LRBA: variants seen among roughly 807,000 people sequenced by gnomAD.
LRBA encodes lipopolysaccharide-responsive and beige-like anchor protein.
Under a neutral mutation model 330.0 loss-of-function variants are expected in LRBA, and 176 were observed. The observed-to-expected ratio is 0.53, with a 90% CI of 0.47 to 0.60. The LOEUF is 0.60. Ranked by LOEUF, LRBA falls within the 20% of genes least tolerant of loss-of-function variation. The probability of loss-of-function intolerance (pLI) is 0.00; values close to 1 mark genes in which losing one functional copy is unlikely to be tolerated. For synonymous variants in LRBA, 1,230 were observed against 1,193.0 expected (o/e 1.03, Z -0.64); for missense variants, 3,259 against 3,444.8 (o/e 0.95, Z 1.35).
At chr4:150,377,837 A>T (rs1287865784) in intron 47 of LRBA, among the ~76,000 whole-genome samples, 2 of 151,966 alleles carry the variant, frequency 1.3e-5, no homozygotes, top group African/African-American at 4.8e-5. Flanking sequence ...AATACAAAAA[A>T]TTAGCCAGGC....
intron 40 of LRBA, among the ~76,000 whole-genome samples, chr4:150,538,928 C>A (rs1043734879): frequency 1.3e-5 from 2 of 152,000 alleles, no homozygotes; most frequent in Admixed American, 1.3e-4. Context: ...TGTAACAAAC[C>A]TGCACATGTA....
At chr4:150,458,435 A>G (rs1173300854) in intron 44 of LRBA, among the ~76,000 whole-genome samples, 1 of 151,896 alleles carries the variant, frequency 6.6e-6, no homozygotes, top group African/African-American at 2.4e-5. Flanking sequence ...AGGTCAGTGT[A>G]CCCATGAAAA....
At position 150,276,537 on chromosome 4, in the gene LRBA, A is replaced by G. The variant is rs945774546; in HGVS notation, c.8468+1316T>C. Among the ~76,000 whole-genome samples the G allele has an allele frequency of 2.6e-5, 4 of 152,352 alleles. No individual in the cohort carries two copies. The East Asian group carries it at 5.8e-4, about 22-fold the overall frequency. On this transcript the variant is annotated intron_variant, in intron 56 of 56. Transcript: ENST00000651943. ...TTTTTGCAATCTATCCAACTGACAA[A>G]GGGCTAATATCCAGAATCTACAAAG...
At position 150,373,170 on chromosome 4, in the gene LRBA, TGTGA is replaced by T. The variant is rs1196494847; in HGVS notation, c.7195-23015_7195-23012del. 6.9e-3 allele frequency among the ~76,000 whole-genome samples: 771 copies of T among 111,358 alleles called. 5 individuals are homozygous for T. The highest frequency in any genetic ancestry group is 0.022 in the African/African-American group (626 of 28,606). 73.1% of individuals were successfully genotyped at this position (111,358 alleles called of 152,430 possible). A position where few individuals can be genotyped will look rare whatever the true frequency, so the allele number is the denominator to read the frequency against. ...GTGTGTGTGTGTGTGTGTGTGTGTG[TGTGA>T]GAGAGAGAGAGAGAGAGAGAGAGAG... On this transcript the variant is annotated intron_variant, in intron 47 of 56. Transcript: ENST00000651943.
At chr4:150,973,789 T>A (rs1168265724) in intron 2 of LRBA, among the ~76,000 whole-genome samples, 2 of 152,106 alleles carry the variant, frequency 1.3e-5, no homozygotes, top group African/African-American at 2.4e-5. Flanking sequence ...GCCCAGGAAT[T>A]CAAGACCAGC....
chr4:150,310,551 G>C (rs887314513), intron 51 of LRBA, 167 bp from the exon 52 acceptor site: 11 of 509,236 alleles, frequency 2.2e-5, no homozygotes, highest in Non-Finnish European at 3.4e-5. Context: ...CTGGAAAAAT[G>C]TGGGTAGCTA....
At position 150,302,742 on chromosome 4, in the gene LRBA, C is replaced by T. The variant is rs1261381043; in HGVS notation, c.7900G>A (p.Ala2634Thr). The change falls in exon 53 of 57, where the codon GCT (alanine) becomes ACT (threonine). Residue 2634 changes from alanine to threonine, a missense_variant. Ala to Thr is a moderately conservative substitution (Grantham distance 58, BLOSUM62 0). Coordinates refer to ENST00000651943, the MANE Select transcript of LRBA (RefSeq NM_001364905.1). ...CCCCCAATATATGACTCAGAACGAG[C>T]AAGGCAAGTGACGACATCCCAATGG... The part of the protein sequence containing the change: ...FGHWDVVTCL[A>T]RSESYIGGNC... 6.2e-7 allele frequency: 1 copy of T among 1,609,542 alleles called. No homozygotes were observed. The highest frequency in any genetic ancestry group is 8.5e-7 in the Non-Finnish European group (1 of 1,177,468).
intron 40 of LRBA, among the ~76,000 whole-genome samples, chr4:150,575,561 TTAAC>T (rs1278008446): frequency 8.6e-5 from 13 of 151,904 alleles, no homozygotes; most frequent in Admixed American, 7.2e-4. Context: ...TACGATATGC[TTAAC>T]TAATAATTTT....
intron 9 of LRBA, among the ~76,000 whole-genome samples, chr4:150,913,816 T>A (rs1732276103): frequency 6.6e-6 from 1 of 152,342 alleles, no homozygotes; most frequent in East Asian, 1.9e-4. Context: ...GTCTATTTTG[T>A]CTAATTTAAG....
intron 53 of LRBA, among the ~76,000 whole-genome samples, chr4:150,289,561 G>A (rs114647202): frequency 1.4e-4 from 21 of 152,224 alleles, no homozygotes; most frequent in Admixed American, 3.9e-4. Context: ...AAAAGACAGC[G>A]CTACTTAACT....
intron 22 of LRBA, among the ~76,000 whole-genome samples, chr4:150,863,940 T>C (rs1253049862): frequency 1.3e-5 from 2 of 152,006 alleles, no homozygotes; most frequent in South Asian, 4.2e-4. Context: ...TATTTATTTA[T>C]TTATTTATTT....
intron 5 of LRBA, among the ~76,000 whole-genome samples, chr4:150,917,886 G>GCA (rs1732816623): frequency 6.6e-6 from 1 of 151,972 alleles, no homozygotes; most frequent in Admixed American, 6.6e-5. Context: ...CCGAGATCAT[G>GCA]CCATTGCACT....
At position 150,320,087 on chromosome 4, in the gene LRBA, G is replaced by T. The variant is rs555605827; in HGVS notation, c.7630+1104C>A. 3.9e-5 allele frequency among the ~76,000 whole-genome samples: 6 copies of T among 152,230 alleles called. 1 individual carries two copies. In the South Asian group the frequency reaches 1.2e-3, roughly 32 times the overall value. On this transcript the variant is annotated intron_variant, in intron 50 of 56. Coordinates refer to ENST00000651943, the MANE Select transcript of LRBA (RefSeq NM_001364905.1). ...TTAAAAAAAATTCTAACTGGCCAAA[G>T]AGAACAGTGCTAAATCCAGGTCCCA...
At chr4:150,390,462 TTTAAGAGTGACCCTAC>T (rs1186446852) in intron 47 of LRBA, among the ~76,000 whole-genome samples, 1 of 152,178 alleles carries the variant, frequency 6.6e-6, no homozygotes, top group African/African-American at 2.4e-5. Context: ...GCAATCTCAT[TTTAAGAGTGACCCTAC>T]CACTAACTGT....
chr4:150,810,849 G>C (rs1231476646), intron 31 of LRBA, among the ~76,000 whole-genome samples: 2 of 152,148 alleles, frequency 1.3e-5, no homozygotes, highest in Non-Finnish European at 2.9e-5. Context: ...CAATCCTTTG[G>C]CCTTGGCCTC....
At chr4:150,529,653 C>T (rs568767680) in intron 40 of LRBA, among the ~76,000 whole-genome samples, 125 of 150,874 alleles carry the variant, frequency 8.3e-4, no homozygotes, top group South Asian at 1.9e-3. Flanking sequence ...ACCCAGGTAG[C>T]GGAGGTTGCA....
At chr4:150,546,066 C>T (rs1002436424) in intron 40 of LRBA, among the ~76,000 whole-genome samples, 2 of 152,078 alleles carry the variant, frequency 1.3e-5, no homozygotes, top group African/African-American at 4.8e-5. Context: ...ACAAGCAAGT[C>T]TTTTTTAATC....
At chr4:150,310,523 G>C in intron 51 of LRBA, 139 bp from the exon 52 acceptor site, 1 of 514,874 alleles carries the variant, frequency 1.9e-6, no homozygotes, top group Non-Finnish European at 3.3e-6. Context: ...AAACCGAGTA[G>C]GAAAACATAT....
At chr4:150,549,533 G>A (rs538956338) in intron 40 of LRBA, among the ~76,000 whole-genome samples, 15 of 152,004 alleles carry the variant, frequency 9.9e-5, no homozygotes, top group East Asian at 3.9e-4. Context: ...GGGTTTCACC[G>A]TGTTAGCCAG....
Sources: allele counts gnomAD v4.1 joint callset (sites outside exome capture counted in the v4.1 genomes callset), GRCh38; gene constraint gnomAD v4.1.1; transcripts MANE v1.5; gene names NCBI Gene and HGNC (gene_info 2026-07-23, HGNC 2026-07-21).